IL18BP: variants seen among roughly 807,000 people sequenced by gnomAD.
IL18BP encodes the protein interleukin-18-binding protein.
In IL18BP, 23 loss-of-function variants were observed where a neutral mutation model predicts 19.9. The ratio of observed to expected loss-of-function variants is 1.15; its 90% CI spans 0.83 to 1.64. The LOEUF is 1.64. Ranked by LOEUF, IL18BP falls within the 40% of genes most tolerant of loss-of-function variation. IL18BP has a pLI of 0.00. For missense variants in IL18BP, 239 were observed against 240.7 expected, an observed-to-expected ratio of 0.99 and a Z score of 0.05; for synonymous variants, 107 against 101.0, an observed-to-expected ratio of 1.06 and a Z score of -0.35.
Position 72,001,544 on chromosome 11 carries a change from C to G in IL18BP, c.499C>G (p.Gln167Glu), listed in dbSNP as rs1478790206. 1.2e-6 allele frequency: 2 copies of G among 1,612,072 alleles called. No homozygotes were observed. Among genetic ancestry groups the G allele is most frequent in the Admixed American group, 3.3e-5 (2 of 59,736 alleles). ...QVVQRHVVLA[Q>E]LWAGLRATLP... ...TGTCCAGCGTCACGTCGTCCTGGCC[C>G]AGCTCTGGGTGAGGAGCCCAAGGAG... Residue 167 changes from glutamine to glutamate, a missense_variant, in exon 5 of 6, where the codon CAG (glutamine) becomes GAG (glutamate). By Grantham distance (29) the Gln-to-Glu change is conservative. Transcript: ENST00000393703.
At chr11:72,003,917 G>A (rs775270640), downstream of IL18BP, 187 of 1,613,296 alleles carry the variant, frequency 1.2e-4, 13 homozygotes, top group South Asian at 2.0e-3. Flanking sequence ...TGGCACCAAT[G>A]GCGGCAGCAG....
chr11:72,006,360 C>G, downstream of IL18BP: 4 of 987,894 alleles, frequency 4.0e-6, no homozygotes, highest in Non-Finnish European at 6.0e-6. Context: ...ACGGCACATC[C>G]ATGTATTCCC....
chr11:72,003,732 T>C (rs1955435720), downstream of IL18BP: 1 of 1,002,794 alleles, frequency 1.0e-6, no homozygotes. Flanking sequence ...CTGTCTTCTC[T>C]CCTTGGAGAG....
chr11:72,000,813 T>C (rs1000716402), intron 3 of IL18BP, among the ~76,000 whole-genome samples: 1 of 152,190 alleles, frequency 6.6e-6, no homozygotes, highest in African/African-American at 2.4e-5. Context: ...TTGGTTGCAG[T>C]GGACCCCAAG....
downstream of IL18BP, chr11:72,008,156 ATAAG>A (rs1565193042): frequency 1.5e-5 from 7 of 477,902 alleles, no homozygotes; most frequent in East Asian, 3.7e-4. Flanking sequence ...CTAGCACAAA[ATAAG>A]TAAATGTAAG....
downstream of IL18BP, chr11:72,003,959 C>T (rs150300331): frequency 1.8e-4 from 293 of 1,613,376 alleles, 1 homozygote; most frequent in Non-Finnish European, 1.9e-4. Context: ...TGGCAATGCG[C>T]GGAGAACGGC....
intron 3 of IL18BP, 99 bp from the exon 4 acceptor site, chr11:72,001,102 T>TG: frequency 1.4e-6 from 2 of 1,453,032 alleles, no homozygotes; most frequent in East Asian, 4.6e-5. Flanking sequence ...AGGTTCCAGA[T>TG]GCATGGGGAC....
At chr11:72,006,260 G>A (rs746898686), downstream of IL18BP, 27 of 1,613,386 alleles carry the variant, frequency 1.7e-5, no homozygotes, top group Non-Finnish European at 2.2e-5. Context: ...TCCACATCTA[G>A]CTTCTGGAAG....
downstream of IL18BP, among the ~76,000 whole-genome samples, chr11:72,006,420 TGTC>T (rs1306663276): frequency 6.6e-6 from 1 of 152,226 alleles, no homozygotes; most frequent in Non-Finnish European, 1.5e-5. Context: ...AAATGGGCCT[TGTC>T]GACAGAAGCC....
At chr11:72,007,497 T>C (rs1955821131), downstream of IL18BP, 3 of 1,580,946 alleles carry the variant, frequency 1.9e-6, no homozygotes, top group Non-Finnish European at 8.6e-7. Context: ...TGTCCAGCCC[T>C]TTTTGAAAGT....
At chr11:72,006,278 G>A (rs778048450), downstream of IL18BP, 10 of 1,608,722 alleles carry the variant, frequency 6.2e-6, no homozygotes, top group Non-Finnish European at 7.7e-6. Flanking sequence ...AAGACAGAGT[G>A]AATCTGTTGC....
At chr11:72,004,852 C>A (rs1161483309), downstream of IL18BP, 2 of 1,524,840 alleles carry the variant, frequency 1.3e-6, no homozygotes, top group South Asian at 2.6e-5. Context: ...TGGACCATAG[C>A]TGTATGGAGA....
chr11:71,999,805 T>C, intron 1 of IL18BP, 122 bp from the exon 2 acceptor site: 1 of 621,432 alleles, frequency 1.6e-6, no homozygotes, highest in Non-Finnish European at 2.9e-6. Context: ...CCCAGCTCTG[T>C]TTCTAAGTGC....
chr11:72,001,556 A>C lies in IL18BP; in HGVS notation c.507+4A>C. The C allele has an allele frequency of 6.2e-7, 1 of 1,610,272 alleles. No individual in the cohort carries two copies. The highest frequency in any genetic ancestry group is 1.1e-5 in the South Asian group (1 of 90,408). ...CGTCGTCCTGGCCCAGCTCTGGGTGAGGAGCCCAAGGAGAGGCCTCCAGGA... is the reference window on the plus strand; with the variant it reads ...CGTCGTCCTGGCCCAGCTCTGGGTGCGGAGCCCAAGGAGAGGCCTCCAGGA... On this transcript the variant is annotated splice_donor_region_variant and intron_variant, in intron 5 of 5. Transcript: ENST00000393703.
chr11:72,003,670 T>C, downstream of IL18BP: 1 of 1,243,280 alleles, frequency 8.0e-7, no homozygotes, highest in Non-Finnish European at 1.2e-6. Flanking sequence ...GGGTTATCAG[T>C]TGCTGGCTGT....
At chr11:72,003,659 A>C, downstream of IL18BP, 1 of 1,329,034 alleles carries the variant, frequency 7.5e-7, no homozygotes, top group South Asian at 1.2e-5. Flanking sequence ...TGTGAGCCCC[A>C]GGGTTATCAG....
chr11:72,003,296 T>C, downstream of IL18BP: 1 of 556,636 alleles, frequency 1.8e-6, no homozygotes, highest in Non-Finnish European at 3.2e-6. Context: ...GGAGGCAAGG[T>C]AGGGAGAGCG....
chr11:72,001,092 A>T, intron 3 of IL18BP, 109 bp from the exon 4 acceptor site: 1 of 1,360,432 alleles, frequency 7.4e-7, no homozygotes, highest in Non-Finnish European at 1.0e-6. Context: ...GCAGTTCTCT[A>T]GGTTCCAGAT....
rs1367365021 is a variant in IL18BP at position 72,002,019 on chromosome 11, C to T, written c.*158C>T. 9.5e-7 allele frequency: 1 copy of T among 1,056,872 alleles called. No individual in the cohort carries two copies. 65.5% of individuals were successfully genotyped at this position (1,056,872 alleles called of 1,614,324 possible). On this transcript the variant is annotated 3_prime_UTR_variant, in exon 6 of 6. Transcript: ENST00000393703. ...GGTCCCTTCTCTCACCAAATTCAAA[C>T]TCCATTCCCACCTACCTAGAAAATC...
Sources: gnomAD v4.1 joint callset for allele counts (sites outside exome capture counted in the v4.1 genomes callset) on GRCh38, gnomAD v4.1.1 for gene constraint, MANE v1.5 for transcripts, NCBI Gene and HGNC (gene_info 2026-07-23, HGNC 2026-07-21) for gene names.